TFEC: variants seen among roughly 807,000 people sequenced by gnomAD.
TFEC encodes transcription factor EC, also known as class E basic helix-loop-helix protein 34.
TFEC carries 31 observed loss-of-function variants against 41.6 expected under a neutral mutation model. That is an observed-to-expected ratio of 0.74 (90% CI 0.56 to 1.01). The LOEUF (loss-of-function observed/expected upper bound fraction) is 1.01. Among genes scored for constraint, TFEC ranks in the 50% least tolerant of loss-of-function variants. The pLI is 0.00. For missense variants in TFEC, 402 were observed against 404.1 expected (o/e 0.99, Z 0.04); for synonymous variants, 143 against 140.6 (o/e 1.02, Z -0.12).
At chr7:115,956,592 TA>T in intron 4 of TFEC, 86 bp downstream of exon 4, 3 of 755,916 alleles carry the variant, frequency 4.0e-6, no homozygotes, top group Non-Finnish European at 3.8e-6. Context: ...GTTATACTTT[TA>T]AAATCCTAGT....
chr7:116,036,720 T>C (rs1584433309), intron 3 of TFEC, among the ~76,000 whole-genome samples: 1 of 152,180 alleles, frequency 6.6e-6, no homozygotes, highest in East Asian at 1.9e-4. Flanking sequence ...AATCAATTTT[T>C]AAAGATAAAT....
Position 115,940,441 on chromosome 7 carries a change from A to G in TFEC, c.*110T>C. On this transcript the variant is annotated 3_prime_UTR_variant, in exon 8 of 8. Transcript: ENST00000265440. ...TCTATCAGTTTTTCATGAACAACAC[A>G]TTCCTTTAAGAAAAAAAATAAGCCA... 3 of 1,227,046 alleles carry G rather than the reference A, an allele frequency of 2.4e-6. No individual in the cohort carries two copies. The highest frequency in any genetic ancestry group is 3.3e-6 in the Non-Finnish European group (3 of 905,236). The allele number at this position is 1,227,046 out of a possible 1,614,324, so 76.0% of individuals were successfully genotyped here. A position where few individuals can be genotyped will look rare whatever the true frequency, so the allele number is the denominator to read the frequency against.
intron 1 of TFEC, among the ~76,000 whole-genome samples, chr7:116,151,828 A>C (rs1798768747): frequency 6.6e-6 from 1 of 152,180 alleles, no homozygotes; most frequent in South Asian, 2.1e-4. Flanking sequence ...TGAAACCTGA[A>C]TTGATTTGTT....
intron 2 of TFEC, among the ~76,000 whole-genome samples, chr7:115,975,542 T>G (rs1224149090): frequency 6.6e-6 from 1 of 152,180 alleles, no homozygotes. Flanking sequence ...CAAATATTAA[T>G]TAAGCAATGT....
At chr7:116,106,998 T>C (rs1173059444) in intron 3 of TFEC, among the ~76,000 whole-genome samples, 1 of 152,218 alleles carries the variant, frequency 6.6e-6, no homozygotes, top group East Asian at 1.9e-4. Flanking sequence ...AGACTATATT[T>C]GGGTCAAACC....
chr7:115,968,107 G>A (rs1043931013), intron 3 of TFEC: 10 of 1,390,034 alleles, frequency 7.2e-6, no homozygotes, highest in Non-Finnish European at 9.5e-6. Context: ...TTGACTATAA[G>A]TTTATAAAGT....
chr7:116,047,079 G>A (rs1796183184), intron 3 of TFEC, among the ~76,000 whole-genome samples: 1 of 152,184 alleles, frequency 6.6e-6, no homozygotes, highest in African/African-American at 2.4e-5. Context: ...AACAGCTCCA[G>A]TCTGTAGCTC....
chr7:115,982,147 T>C (rs933184394), intron 2 of TFEC, among the ~76,000 whole-genome samples: 2 of 151,920 alleles, frequency 1.3e-5, no homozygotes. Context: ...CTATGATTTC[T>C]GGGGTCTTCT....
upstream of TFEC, among the ~76,000 whole-genome samples, chr7:116,032,252 C>T (rs1795802300): frequency 6.6e-6 from 1 of 152,014 alleles, no homozygotes; most frequent in African/African-American, 2.4e-5. Flanking sequence ...TTATCTATTG[C>T]TTCTATATTT....
rs566108274 is a variant in TFEC at position 116,105,446 on chromosome 7, A to G, written c.198+5262T>C. ...TGCCTCTTCAAATTCAATGCAGTCC[A>G]ACAGAAAAAAGAAACATACACAGGA... On this transcript the variant is annotated intron_variant, in intron 3 of 8. Coordinates refer to the TFEC transcript ENST00000484212. Among the ~76,000 whole-genome samples the G allele has an allele frequency of 3.0e-4, 45 of 152,338 alleles. No homozygotes were observed. In the South Asian group the frequency reaches 8.7e-3, roughly 29 times the overall value.
chr7:116,145,651 G>A (rs1469889418), intron 1 of TFEC, among the ~76,000 whole-genome samples: 8 of 152,154 alleles, frequency 5.3e-5, no homozygotes, highest in Non-Finnish European at 8.8e-5. Context: ...AGGTCTCAAG[G>A]AGTTTCAGTT....
At chr7:116,151,389 C>T (rs1441284621) in intron 1 of TFEC, among the ~76,000 whole-genome samples, 2 of 151,786 alleles carry the variant, frequency 1.3e-5, no homozygotes, top group African/African-American at 2.4e-5. Context: ...GCTACAGGCA[C>T]CCACCACCAC....
chr7:116,156,983 T>C (rs940406786), intron 1 of TFEC, among the ~76,000 whole-genome samples: 2 of 152,180 alleles, frequency 1.3e-5, no homozygotes, highest in African/African-American at 2.4e-5. Context: ...CTGAATTTTA[T>C]TTTGAAATAA....
rs529198352 is a variant in TFEC at position 116,106,372 on chromosome 7, TTTTGTTTGTTTG to T, written c.198+4324_198+4335del. 1.9e-4 allele frequency among the ~76,000 whole-genome samples: 29 copies of T among 152,032 alleles called. 1 individual carries two copies. Among genetic ancestry groups the T allele is most frequent in the Admixed American group, 7.2e-4 (11 of 15,262 alleles). On this transcript the variant is annotated intron_variant, in intron 3 of 8. Transcript: ENST00000484212. The stretch of plus-strand genomic sequence containing the variant: ...TGACTGATGACTTCAGTTTTTTGTT[TTTTGTTTGTTTG>T]TTTGTTTGTTTGTTTTTTGAAACAG...
At chr7:116,134,873 T>C (rs1271540572) in intron 1 of TFEC, among the ~76,000 whole-genome samples, 1 of 152,152 alleles carries the variant, frequency 6.6e-6, no homozygotes, top group East Asian at 1.9e-4. Context: ...AAATGTCTTA[T>C]TTATAAAGCA....
At chr7:115,963,008 C>G (rs1031275063) in intron 3 of TFEC, among the ~76,000 whole-genome samples, 14 of 151,714 alleles carry the variant, frequency 9.2e-5, no homozygotes, top group Non-Finnish European at 1.8e-4. Context: ...CCCAGTCCCC[C>G]TCTCCCCGAC....
intron 3 of TFEC, chr7:116,110,635 AAC>A: frequency 9.1e-7 from 1 of 1,092,984 alleles, no homozygotes; most frequent in Non-Finnish European, 1.2e-6. Flanking sequence ...GTACAATTAA[AAC>A]AGACAGATTT....
chr7:116,133,023 A>G (rs1210127221), intron 1 of TFEC, among the ~76,000 whole-genome samples: 1 of 152,232 alleles, frequency 6.6e-6, no homozygotes, highest in African/African-American at 2.4e-5. Flanking sequence ...TTTTAAGACT[A>G]CTTTAGAAAA....
intron 3 of TFEC, among the ~76,000 whole-genome samples, chr7:116,064,011 T>C (rs533507492): frequency 6.6e-6 from 1 of 152,258 alleles, no homozygotes; most frequent in South Asian, 2.1e-4. Context: ...ATCTCACTTA[T>C]ATAGAAGATC....
Sources: gnomAD v4.1 joint callset for allele counts (sites outside exome capture counted in the v4.1 genomes callset) on GRCh38, gnomAD v4.1.1 for gene constraint, MANE v1.5 for transcripts, NCBI Gene and HGNC (gene_info 2026-07-23, HGNC 2026-07-21) for gene names.